The following PLCG2 variants were observed in gnomAD, a reference collection of about 807,000 sequenced individuals.
PLCG2 encodes the protein 1-phosphatidylinositol 4,5-bisphosphate phosphodiesterase gamma-2.
PLCG2 carries 69 observed loss-of-function variants against 175.6 expected under a neutral mutation model. The ratio of observed to expected loss-of-function variants is 0.39; its 90% CI spans 0.32 to 0.48. The LOEUF (loss-of-function observed/expected upper bound fraction) is 0.48, where lower values mean the gene tolerates loss of function less well. Among genes scored for constraint, PLCG2 ranks in the 20% least tolerant of loss-of-function variants. PLCG2 has a pLI of 0.91. For synonymous variants in PLCG2, 827 were observed against 624.0 expected, an observed-to-expected ratio of 1.33 and a Z score of -4.85; for missense variants, 1,798 against 1,650.9, an observed-to-expected ratio of 1.09 and a Z score of -1.54.
At chr16:81,846,007 A>G (rs1417938622) in intron 2 of PLCG2, among the ~76,000 whole-genome samples, 1 of 152,206 alleles carries the variant, frequency 6.6e-6, no homozygotes, top group Non-Finnish European at 1.5e-5. Context: ...TACCTGCCTC[A>G]TAGTGTTCTT....
chr16:81,800,099 A>C (rs1474425489), intron 2 of PLCG2, among the ~76,000 whole-genome samples: 1 of 152,024 alleles, frequency 6.6e-6, no homozygotes, highest in African/African-American at 2.4e-5. Flanking sequence ...ATTACACTGG[A>C]CTCTCATGAG....
At chr16:81,848,375 T>C (rs1019246401) in intron 2 of PLCG2, among the ~76,000 whole-genome samples, 1 of 152,046 alleles carries the variant, frequency 6.6e-6, no homozygotes, top group African/African-American at 2.4e-5. Context: ...TTCCAAAGGG[T>C]GCTTGTTTGG....
At chr16:81,826,074 T>C (rs2143359161) in intron 2 of PLCG2, among the ~76,000 whole-genome samples, 1 of 152,314 alleles carries the variant, frequency 6.6e-6, no homozygotes, top group East Asian at 1.9e-4. Context: ...ATGGAATTTG[T>C]CACCAAAACA....
At chr16:81,937,927 C>T in intron 28 of PLCG2, 24 bp downstream of exon 28, 1 of 1,611,798 alleles carries the variant, frequency 6.2e-7, no homozygotes, top group Non-Finnish European at 8.5e-7. Flanking sequence ...TCCCTTCCTG[C>T]CAGGGGAGCC....
Position 81,910,571 on chromosome 16 carries a change from G to C in PLCG2, c.1785G>C (p.Gly595=), listed in dbSNP as rs751430744. 8.1e-6 allele frequency: 13 copies of C among 1,614,036 alleles called. No homozygotes were observed. The highest frequency in any genetic ancestry group is 1.6e-4 in the Middle Eastern group (1 of 6,084). Residue 595 remains glycine (G), a synonymous_variant, in exon 18 of 33, where the codon GGG becomes GGC. Transcript: ENST00000564138. ...HCRIRSTMEG[G]TLKYYLTDNL... The stretch of plus-strand genomic sequence containing the variant: ...GGATCCGCTCCACCATGGAGGGCGG[G>C]ACCCTGAAATACTACTTGACTGACA...
chr16:81,801,237 T>G (rs1911704239), intron 2 of PLCG2, among the ~76,000 whole-genome samples: 1 of 152,222 alleles, frequency 6.6e-6, no homozygotes, highest in African/African-American at 2.4e-5. Context: ...TCTTTTTTGT[T>G]TTTAAGAAAT....
chr16:81,740,635 G>A (rs753808406), intron 1 of PLCG2: 2 of 149,234 alleles, frequency 1.3e-5, no homozygotes, highest in Non-Finnish European at 3.0e-5. Flanking sequence ...CCAGGAGGCT[G>A]AGGCAGGAGA....
At chr16:81,818,883 A>ATGTTTTTTTT (rs1904669462) in intron 2 of PLCG2, among the ~76,000 whole-genome samples, 2 of 106,644 alleles carry the variant, frequency 1.9e-5, no homozygotes, top group African/African-American at 4.0e-5. Context: ...GGGCTCATGG[A>ATGTTTTTTTT]TTTTTTTTTT....
At position 81,889,165 on chromosome 16, in the gene PLCG2, T is replaced by C. The variant is rs1055824436; in HGVS notation, c.766-7T>C. Reference sequence around the variant, plus strand: ...TGCTGATCTCTCGTTCTCTTTGTCATTTTAAGGAGCATTGGGCTCAGGATC... The same window carrying C: ...TGCTGATCTCTCGTTCTCTTTGTCACTTTAAGGAGCATTGGGCTCAGGATC... On this transcript the variant is annotated splice_region_variant and splice_polypyrimidine_tract_variant and intron_variant, in intron 9 of 32. Coordinates refer to ENST00000564138, the MANE Select transcript of PLCG2 (RefSeq NM_002661.5). 9.0e-6 allele frequency: 14 copies of C among 1,556,400 alleles called. No individual in the cohort carries two copies. Among genetic ancestry groups the C allele is most frequent in the African/African-American group, 1.4e-5 (1 of 73,802 alleles).
intron 2 of PLCG2, among the ~76,000 whole-genome samples, chr16:81,761,988 C>T (rs569171137): frequency 2.0e-4 from 30 of 151,944 alleles, no homozygotes; most frequent in Middle Eastern, 6.8e-3. Context: ...TGCACCACCA[C>T]GCCCAGCTAC....
intron 13 of PLCG2, among the ~76,000 whole-genome samples, chr16:81,896,572 T>C (rs189043433): frequency 3.4e-4 from 51 of 152,016 alleles, no homozygotes; most frequent in South Asian, 2.9e-3. Flanking sequence ...AGCGAGACCC[T>C]GTCTCAAAGG....
At position 81,836,653 on chromosome 16, in the gene PLCG2, A is replaced by C. The variant is rs780902049; in HGVS notation, c.194-17791A>C. ...CTCCTTAGGAGACTGAGGCAGGAGA[A>C]TCGCTTGAACTCAGGAGGCTGAGGT... On this transcript the variant is annotated intron_variant, in intron 2 of 32. Coordinates refer to ENST00000564138, the MANE Select transcript of PLCG2 (RefSeq NM_002661.5). Among the ~76,000 whole-genome samples the C allele has an allele frequency of 2.0e-5, 3 of 152,194 alleles. No homozygotes were observed. In the South Asian group the frequency reaches 6.2e-4, roughly 32 times the overall value.
chr16:81,816,858 G>A (rs564209798), intron 2 of PLCG2, among the ~76,000 whole-genome samples: 28 of 151,972 alleles, frequency 1.8e-4, no homozygotes, highest in African/African-American at 6.0e-4. Flanking sequence ...CTGAAAGTGC[G>A]GTTGCGCTGT....
At chr16:81,860,295 T>C (rs572286965) in intron 5 of PLCG2, among the ~76,000 whole-genome samples, 15 of 152,130 alleles carry the variant, frequency 9.9e-5, no homozygotes, top group Admixed American at 6.5e-5. Flanking sequence ...TCCGTGTTGA[T>C]GCACAGAGCG....
chr16:81,740,744 A>C (rs1212043431), intron 1 of PLCG2, among the ~76,000 whole-genome samples: 5 of 137,710 alleles, frequency 3.6e-5, no homozygotes, highest in African/African-American at 1.3e-4. Context: ...AAAAAAAAAA[A>C]AAAAAAAAAA....
chr16:81,756,369 G>C (rs940359191), intron 2 of PLCG2, among the ~76,000 whole-genome samples: 2 of 152,244 alleles, frequency 1.3e-5, no homozygotes, highest in African/African-American at 4.8e-5. Context: ...CGATCTGTAA[G>C]ATTTATCTCC....
chr16:81,774,890 C>G (rs953690951), upstream of PLCG2, among the ~76,000 whole-genome samples: 1 of 151,894 alleles, frequency 6.6e-6, no homozygotes, highest in Non-Finnish European at 1.5e-5. Context: ...GACTCAGGCT[C>G]ACTCCACCAG....
chr16:81,768,579 T>TTTTC (rs1378084875), intron 2 of PLCG2, among the ~76,000 whole-genome samples: 1 of 142,724 alleles, frequency 7.0e-6, no homozygotes, highest in African/African-American at 2.7e-5. Flanking sequence ...TTTTTTTTTT[T>TTTTC]CCCGAGATGG....
chr16:81,752,172 C>G (rs1387465624), intron 1 of PLCG2, among the ~76,000 whole-genome samples: 1 of 152,228 alleles, frequency 6.6e-6, no homozygotes, highest in South Asian at 2.1e-4. Flanking sequence ...GCTGGGAGCT[C>G]CCACTGTTCC....
Sources: gnomAD v4.1 joint callset for allele counts (sites outside exome capture counted in the v4.1 genomes callset) on GRCh38, gnomAD v4.1.1 for gene constraint, MANE v1.5 for transcripts, NCBI Gene and HGNC (gene_info 2026-07-23, HGNC 2026-07-21) for gene names.